DNAJB6: variants seen among roughly 807,000 people sequenced by gnomAD.
The protein encoded by DNAJB6 is DnaJ heat shock protein family (Hsp40) member B6.
DNAJB6 carries 16 observed loss-of-function variants against 42.7 expected under a neutral mutation model. That is an observed-to-expected ratio of 0.37 (90% CI 0.25 to 0.57). The LOEUF is 0.57. DNAJB6 is among the 20% of genes least tolerant of loss of function. DNAJB6 has a pLI of 0.74. For missense variants in DNAJB6, 347 were observed against 416.8 expected (o/e 0.83, Z 1.46); for synonymous variants, 170 against 163.5 (o/e 1.04, Z -0.30).
At position 157,367,966 on chromosome 7, in the gene DNAJB6, A is replaced by G. The variant is rs1410273154; in HGVS notation, c.346+483A>G. Among the ~76,000 whole-genome samples the G allele has an allele frequency of 2.6e-5, 4 of 152,260 alleles. No homozygotes were observed. In the East Asian group the frequency reaches 7.7e-4, roughly 29 times the overall value. Reference sequence around the variant, plus strand: ...GAAACCCTGTCTCAACAACAACAAAAAAAATACTAAAAATTAGCTGAGTGT... The same window carrying G: ...GAAACCCTGTCTCAACAACAACAAAGAAAATACTAAAAATTAGCTGAGTGT... On this transcript the variant is annotated intron_variant, in intron 5 of 9. Coordinates refer to ENST00000262177, the MANE Select transcript of DNAJB6 (RefSeq NM_058246.4).
chr7:157,351,663 A>ACAACAAC, intron 1 of DNAJB6, among the ~76,000 whole-genome samples: 1 of 148,666 alleles, frequency 6.7e-6, no homozygotes, highest in South Asian at 2.1e-4. Flanking sequence ...AACAACAACA[A>ACAACAAC]AAAAAACCAC....
intron 8 of DNAJB6, among the ~76,000 whole-genome samples, chr7:157,398,228 G>C (rs1258802341): frequency 6.6e-6 from 1 of 152,214 alleles, no homozygotes; most frequent in Non-Finnish European, 1.5e-5. Flanking sequence ...GTCTTGCTGG[G>C]TGTCCCCAGT....
chr7:157,358,250 T>G (rs1306323281), intron 1 of DNAJB6, among the ~76,000 whole-genome samples: 2 of 152,204 alleles, frequency 1.3e-5, no homozygotes, highest in Non-Finnish European at 2.9e-5. Flanking sequence ...CAGCTAGTGG[T>G]CAAGTGGCAC....
At chr7:157,404,695 G>C (rs545987794) in intron 8 of DNAJB6, among the ~76,000 whole-genome samples, 1 of 151,926 alleles carries the variant, frequency 6.6e-6, no homozygotes, top group Non-Finnish European at 1.5e-5. Context: ...ATTTTTAGTA[G>C]AGACGGGGTC....
intron 1 of DNAJB6, among the ~76,000 whole-genome samples, chr7:157,351,551 T>C (rs1199689317): frequency 1.3e-5 from 2 of 151,680 alleles, no homozygotes; most frequent in Non-Finnish European, 2.9e-5. Context: ...GAGAATGGTG[T>C]GAACCCTAGA....
intron 5 of DNAJB6, among the ~76,000 whole-genome samples, chr7:157,375,118 T>TA (rs1278751819): frequency 2.6e-5 from 4 of 152,208 alleles, no homozygotes; most frequent in Admixed American, 2.0e-4. Flanking sequence ...GCAGACCTGA[T>TA]ACTGTGTTGG....
intron 6 of DNAJB6, among the ~76,000 whole-genome samples, chr7:157,383,976 A>G (rs1800921400): frequency 6.6e-6 from 1 of 152,204 alleles, no homozygotes; most frequent in Non-Finnish European, 1.5e-5. Context: ...AGAAAAGGTA[A>G]ACTTAACATA....
At chr7:157,353,000 A>G (rs1799073690) in intron 1 of DNAJB6, among the ~76,000 whole-genome samples, 1 of 152,092 alleles carries the variant, frequency 6.6e-6, no homozygotes, top group Admixed American at 6.5e-5. Flanking sequence ...AAGAATTTTA[A>G]ATGTAGGTTT....
chr7:157,409,798 T>C lies in DNAJB6; in HGVS notation c.695T>C (p.Val232Ala). The C allele has an allele frequency of 9.8e-6, 15 of 1,526,630 alleles. No individual in the cohort carries two copies. Among genetic ancestry groups the C allele is most frequent in the Non-Finnish European group, 1.2e-5 (14 of 1,140,428 alleles). 94.6% of individuals were successfully genotyped at this position (1,526,630 alleles called of 1,614,324 possible). A position where few individuals can be genotyped will look rare whatever the true frequency, so the allele number is the denominator to read the frequency against. ...CTCTCTCCCGCTGTGCCTGCAGGTG[T>C]GGCCGACGACGATGCCCTCGCTGAG... Reference protein sequence around the residue: ...GQLKSLTINGVADDDALAEER... With the variant: ...GQLKSLTINGAADDDALAEER... Residue 232 changes from valine (V) to alanine (A), a missense_variant, in exon 9 of 10, where the codon GTG (valine) becomes GCG (alanine). Transcript: ENST00000262177.
At chr7:157,381,271 A>G (rs553569482) in intron 5 of DNAJB6, 5 of 152,156 alleles carry the variant, frequency 3.3e-5, no homozygotes, top group Admixed American at 2.0e-4. Flanking sequence ...AGGCCGTACT[A>G]ATTCTGTAGT....
intron 1 of DNAJB6, among the ~76,000 whole-genome samples, chr7:157,356,019 CAGATAGA>C (rs1371433199): frequency 3.9e-5 from 6 of 152,212 alleles, no homozygotes; most frequent in Non-Finnish European, 8.8e-5. Context: ...CACACAAGTG[CAGATAGA>C]AGATGAGCTG....
At position 157,362,558 on chromosome 7, in the gene DNAJB6, G is replaced by A. The variant is rs577654957; in HGVS notation, c.66-603G>A. Among the ~76,000 whole-genome samples the A allele has an allele frequency of 5.9e-5, 9 of 152,116 alleles. No homozygotes were observed. The South Asian group carries it at 1.9e-3, about 32-fold the overall frequency. On this transcript the variant is annotated intron_variant, in intron 2 of 9. Coordinates refer to ENST00000262177, the MANE Select transcript of DNAJB6 (RefSeq NM_058246.4). ...CCCGGCTAATTTTGTATTTTTAGTA[G>A]CGTTGGGGTTTCTCCATGTTGGCCA...
intron 2 of DNAJB6, among the ~76,000 whole-genome samples, chr7:157,362,887 G>A (rs537888531): frequency 6.6e-6 from 1 of 152,324 alleles, no homozygotes; most frequent in South Asian, 2.1e-4. Context: ...ATAGCTCACT[G>A]TAGCCTTGAA....
chr7:157,353,112 G>C (rs1198507920), intron 1 of DNAJB6, among the ~76,000 whole-genome samples: 1 of 151,040 alleles, frequency 6.6e-6, no homozygotes, highest in Admixed American at 6.6e-5. Context: ...ATTTTTCGTA[G>C]AGACAGGGTT....
At chr7:157,352,797 C>G (rs1033731678) in intron 1 of DNAJB6, among the ~76,000 whole-genome samples, 2 of 152,154 alleles carry the variant, frequency 1.3e-5, no homozygotes, top group Non-Finnish European at 2.9e-5. Flanking sequence ...GGATGTCACC[C>G]ACTTCACAGG....
chr7:157,348,444 C>T (rs1798798292), intron 1 of DNAJB6, among the ~76,000 whole-genome samples: 3 of 152,094 alleles, frequency 2.0e-5, no homozygotes, highest in African/African-American at 7.2e-5. Flanking sequence ...ATTTCTGCAC[C>T]AGTCCTAGCG....
intron 1 of DNAJB6, among the ~76,000 whole-genome samples, chr7:157,356,361 C>T (rs1233373417): frequency 6.6e-6 from 1 of 152,220 alleles, no homozygotes; most frequent in African/African-American, 2.4e-5. Context: ...GTTGCCTGCT[C>T]TGTCTTGTGT....
At chr7:157,341,391 T>G (rs1798372338) in intron 1 of DNAJB6, among the ~76,000 whole-genome samples, 1 of 152,188 alleles carries the variant, frequency 6.6e-6, no homozygotes, top group Admixed American at 6.5e-5. Flanking sequence ...CCCAAAGTGG[T>G]GGGATCACAG....
chr7:157,415,919 T>C (rs1410203785), intron 9 of DNAJB6, 97 bp from the exon 10 acceptor site: 2 of 1,595,810 alleles, frequency 1.3e-6, no homozygotes, highest in Admixed American at 1.7e-5. Context: ...TGTTGCTTTT[T>C]GTTCTTAACA....
Sources: allele counts gnomAD v4.1 joint callset (sites outside exome capture counted in the v4.1 genomes callset), GRCh38; gene constraint gnomAD v4.1.1; transcripts MANE v1.5; gene names NCBI Gene and HGNC (gene_info 2026-07-23, HGNC 2026-07-21).